Variants in LIN52 observed in about 807,000 individuals in gnomAD.
The protein encoded by LIN52 is protein lin-52 homolog.
A neutral mutation model predicts 18.5 loss-of-function variants in LIN52; 4 were observed. That is an observed-to-expected ratio of 0.22 (90% CI 0.11 to 0.49). The LOEUF (loss-of-function observed/expected upper bound fraction) is 0.49, where lower values mean the gene tolerates loss of function less well. Ranked by LOEUF, LIN52 falls within the 20% of genes least tolerant of loss-of-function variation. The pLI, the probability that LIN52 is intolerant of heterozygous loss-of-function variation, is 0.97. For missense variants in LIN52, 102 were observed against 139.5 expected, an observed-to-expected ratio of 0.73 and a Z score of 1.35; for synonymous variants, 34 against 45.5, an observed-to-expected ratio of 0.75 and a Z score of 1.02.
chr14:74,127,077 T>C (rs1396101709), intron 5 of LIN52, among the ~76,000 whole-genome samples: 2 of 152,230 alleles, frequency 1.3e-5, no homozygotes, highest in African/African-American at 2.4e-5. Flanking sequence ...TTCTACTATA[T>C]TAAGGCCTAG....
intron 5 of LIN52, among the ~76,000 whole-genome samples, chr14:74,168,643 G>A (rs1248809626): frequency 5.9e-5 from 9 of 152,056 alleles, no homozygotes; most frequent in Non-Finnish European, 1.0e-4. Flanking sequence ...ACTCCAGCCT[G>A]GGTGACAGAG....
chr14:74,170,566 T>C (rs930036402), intron 5 of LIN52, among the ~76,000 whole-genome samples: 2 of 152,166 alleles, frequency 1.3e-5, no homozygotes, highest in African/African-American at 2.4e-5. Flanking sequence ...TGTTTAACTT[T>C]ATAGAAGTTG....
At chr14:74,096,286 C>G (rs547689764) in intron 3 of LIN52, among the ~76,000 whole-genome samples, 21 of 152,172 alleles carry the variant, frequency 1.4e-4, no homozygotes, top group East Asian at 1.2e-3. Context: ...TCTCAAACTC[C>G]TGACCTCAAG....
intron 5 of LIN52, among the ~76,000 whole-genome samples, chr14:74,184,232 C>T (rs2061331639): frequency 1.3e-5 from 2 of 152,228 alleles, no homozygotes; most frequent in South Asian, 4.1e-4. Flanking sequence ...AGGCACATGC[C>T]ACCACGCCTG....
rs542146208 is a variant in LIN52, at chr14:74,191,821, G to A, written c.284-7101G>A. On this transcript the variant is annotated intron_variant, in intron 5 of 5. Transcript: ENST00000555028. ...GCTAATTTTTTTTGTATTTTTAGTA[G>A]AGATGGAGTTTCACCGTGTTAGCCA... 2.6e-5 allele frequency among the ~76,000 whole-genome samples: 4 copies of A among 152,096 alleles called. No individual in the cohort carries two copies. The South Asian group carries it at 8.3e-4, about 32-fold the overall frequency.
intron 5 of LIN52, among the ~76,000 whole-genome samples, chr14:74,149,804 G>T (rs1271351025): frequency 6.6e-6 from 1 of 152,100 alleles, no homozygotes; most frequent in Non-Finnish European, 1.5e-5. Flanking sequence ...TGGTAAATTG[G>T]CTGTAGGCTA....
At chr14:74,148,474 TGAG>T (rs1428646112) in intron 5 of LIN52, among the ~76,000 whole-genome samples, 1 of 152,028 alleles carries the variant, frequency 6.6e-6, no homozygotes, top group African/African-American at 2.4e-5. Context: ...CTGATCCACT[TGAG>T]GAGCATAGAA....
chr14:74,143,637 A>T (rs2061142333), intron 5 of LIN52, among the ~76,000 whole-genome samples: 1 of 152,060 alleles, frequency 6.6e-6, no homozygotes. Flanking sequence ...ACAAATTATA[A>T]TTTTTTCATA....
chr14:74,152,688 G>A (rs568993687), intron 5 of LIN52, among the ~76,000 whole-genome samples: 5 of 151,830 alleles, frequency 3.3e-5, no homozygotes, highest in Admixed American at 1.3e-4. Context: ...CCAGCTGGGC[G>A]CAGTGGCTTA....
At chr14:74,189,902 A>G (rs1595192876) in intron 5 of LIN52, among the ~76,000 whole-genome samples, 1 of 152,074 alleles carries the variant, frequency 6.6e-6, no homozygotes, top group Non-Finnish European at 1.5e-5. Context: ...TTTCTTTTTC[A>G]TATTACTTCT....
chr14:74,171,363 T>TA (rs527734909), intron 5 of LIN52, among the ~76,000 whole-genome samples: 1,681 of 122,754 alleles, frequency 0.014, 20 homozygotes, highest in African/African-American at 0.04. Flanking sequence ...AGAGCCTGTC[T>TA]AAAAAAAAAA....
intron 1 of LIN52, among the ~76,000 whole-genome samples, chr14:74,087,181 C>T (rs1360742533): frequency 6.6e-6 from 1 of 151,768 alleles, no homozygotes; most frequent in Admixed American, 6.6e-5. Context: ...TTTGGGAGGG[C>T]GAGATGGGTG....
chr14:74,130,277 G>GTTTTTTTTTTTTTTTTTTTT (rs371965343), intron 5 of LIN52, among the ~76,000 whole-genome samples: 1 of 46,422 alleles, frequency 2.2e-5, no homozygotes, highest in African/African-American at 1.8e-4. Flanking sequence ...GGCATTTTTT[G>GTTTTTTTTTTTTTTTTTTTT]GTTTTTTTTT....
At chr14:74,118,902 G>A (rs2060980359) in intron 5 of LIN52, among the ~76,000 whole-genome samples, 1 of 152,000 alleles carries the variant, frequency 6.6e-6, no homozygotes. Flanking sequence ...GTTTATCTTT[G>A]AACTTTATGT....
intron 5 of LIN52, among the ~76,000 whole-genome samples, chr14:74,156,980 T>C (rs1465063432): frequency 6.6e-6 from 1 of 152,166 alleles, no homozygotes; most frequent in African/African-American, 2.4e-5. Flanking sequence ...CAAATTTCAT[T>C]CTTTTGTATG....
intron 5 of LIN52, among the ~76,000 whole-genome samples, chr14:74,107,217 T>C (rs2060902273): frequency 6.6e-6 from 1 of 152,228 alleles, no homozygotes; most frequent in South Asian, 2.1e-4. Context: ...AAATACAGTG[T>C]GAAACTTGTT....
At chr14:74,096,495 G>GT (rs1280687969) in intron 3 of LIN52, among the ~76,000 whole-genome samples, 6 of 151,270 alleles carry the variant, frequency 4.0e-5, no homozygotes, top group African/African-American at 1.2e-4. Context: ...ATGTGTTTTT[G>GT]TTTTTTTGTT....
chr14:74,184,887 T>C (rs2061334456), intron 5 of LIN52, among the ~76,000 whole-genome samples: 4 of 152,192 alleles, frequency 2.6e-5, no homozygotes, highest in Admixed American at 2.6e-4. Context: ...TCAAGTTGGC[T>C]CCTGTCTTTT....
At chr14:74,137,307 A>G (rs1566858456) in intron 5 of LIN52, among the ~76,000 whole-genome samples, 1 of 151,024 alleles carries the variant, frequency 6.6e-6, no homozygotes, top group African/African-American at 2.4e-5. Context: ...TTTCTATATA[A>G]TATTATCACA....
Sources: gnomAD v4.1 joint callset for allele counts (sites outside exome capture counted in the v4.1 genomes callset) on GRCh38, gnomAD v4.1.1 for gene constraint, MANE v1.5 for transcripts, NCBI Gene and HGNC (gene_info 2026-07-23, HGNC 2026-07-21) for gene names.